The following NARS2 variants were observed in gnomAD, a reference collection of about 807,000 sequenced individuals.
NARS2 encodes the protein asparaginyl-tRNA synthetase 2, mitochondrial.
Under a neutral mutation model 62.9 loss-of-function variants are expected in NARS2, and 60 were observed. That is an observed-to-expected ratio of 0.95 (90% CI 0.77 to 1.18). NARS2 has a LOEUF of 1.18. Ranked by LOEUF, NARS2 falls within the 50% of genes most tolerant of loss-of-function variation. The pLI, the probability that NARS2 is intolerant of heterozygous loss-of-function variation, is 0.00. For synonymous variants in NARS2, 196 were observed against 200.0 expected, an observed-to-expected ratio of 0.98 and a Z score of 0.17; for missense variants, 619 against 576.4, an observed-to-expected ratio of 1.07 and a Z score of -0.76.
At chr11:78,449,055 T>C (rs1433426366) in intron 11 of NARS2, among the ~76,000 whole-genome samples, 6 of 152,164 alleles carry the variant, frequency 3.9e-5, no homozygotes, top group Non-Finnish European at 7.3e-5. Context: ...TGGCTTTTAT[T>C]TATCTGGAAT....
chr11:78,493,285 G>A (rs1221623575), intron 6 of NARS2, 90 bp from the exon 7 acceptor site: 4 of 1,255,564 alleles, frequency 3.2e-6, no homozygotes, highest in Non-Finnish European at 4.5e-6. Context: ...GGAAAATAAA[G>A]TTTTGTGTGC....
intron 12 of NARS2, among the ~76,000 whole-genome samples, chr11:78,441,907 TG>T (rs1857587978): frequency 6.6e-6 from 1 of 152,176 alleles, no homozygotes; most frequent in Non-Finnish European, 1.5e-5. Context: ...AAATTCTTAG[TG>T]GTAATTGAAA....
chr11:78,560,304 A>T (rs1486664954), intron 4 of NARS2, among the ~76,000 whole-genome samples: 1 of 152,178 alleles, frequency 6.6e-6, no homozygotes, highest in African/African-American at 2.4e-5. Context: ...AAATCCATCC[A>T]TTACCGAGGT....
chr11:78,520,391 ATC>A (rs1351831676), intron 6 of NARS2, among the ~76,000 whole-genome samples: 1 of 151,850 alleles, frequency 6.6e-6, no homozygotes, highest in Non-Finnish European at 1.5e-5. Context: ...CTATATCCAA[ATC>A]TCTCTCTCCT....
At chr11:78,563,829 CA>C (rs1167838676) in intron 4 of NARS2, among the ~76,000 whole-genome samples, 7 of 14,122 alleles carry the variant, frequency 5.0e-4, no homozygotes, top group African/African-American at 1.3e-3. Flanking sequence ...AACTCTGTAT[CA>C]AAAAAAAAAA....
At chr11:78,477,566 G>C (rs984057153) in intron 9 of NARS2, among the ~76,000 whole-genome samples, 2 of 152,204 alleles carry the variant, frequency 1.3e-5, no homozygotes, top group African/African-American at 4.8e-5. Context: ...GGTTAATTTT[G>C]TGTCAACTTG....
intron 6 of NARS2, among the ~76,000 whole-genome samples, chr11:78,506,191 G>A (rs10793319): frequency 0.72 from 110,204 of 152,072 alleles, 40,713 homozygotes; most frequent in Non-Finnish European, 0.81. Context: ...TTAAAAATAC[G>A]ACATCATCTT....
At chr11:78,516,162 T>A (rs939609356) in intron 6 of NARS2, among the ~76,000 whole-genome samples, 2 of 152,170 alleles carry the variant, frequency 1.3e-5, no homozygotes, top group Non-Finnish European at 2.9e-5. Context: ...CTAAATAGAA[T>A]TTATTCAAGT....
In NARS2 at chr11:78,499,075, C is replaced by G. The variant is rs527989684; in HGVS notation, c.690-5880G>C. ...GGGACTACAGGCGCCCGCCACCACG[C>G]CCGGCTAATTTTTTGTATTTTCAGT... On this transcript the variant is annotated intron_variant, in intron 6 of 13. Transcript: ENST00000281038. Among the ~76,000 whole-genome samples the G allele has an allele frequency of 5.9e-5, 9 of 151,912 alleles. No individual in the cohort carries two copies. The South Asian group carries it at 1.9e-3, about 32-fold the overall frequency.
At chr11:78,490,840 C>T (rs779435280) in intron 7 of NARS2, among the ~76,000 whole-genome samples, 5 of 152,028 alleles carry the variant, frequency 3.3e-5, no homozygotes, top group Admixed American at 6.5e-5. Flanking sequence ...TGAAATGCTC[C>T]GGTTTAGAGC....
chr11:78,563,367 A>G (rs1245488780), intron 4 of NARS2, among the ~76,000 whole-genome samples: 1 of 151,314 alleles, frequency 6.6e-6, no homozygotes, highest in Admixed American at 6.6e-5. Context: ...ACAGGCACGC[A>G]ACACCACGCC....
intron 13 of NARS2, among the ~76,000 whole-genome samples, chr11:78,439,328 C>T (rs762884379): frequency 2.0e-5 from 3 of 152,068 alleles, no homozygotes; most frequent in Admixed American, 6.6e-5. Flanking sequence ...CGTGAGCCAC[C>T]GCACCCACGG....
chr11:78,501,986 T>A (rs1267641978), intron 6 of NARS2, among the ~76,000 whole-genome samples: 1 of 152,204 alleles, frequency 6.6e-6, no homozygotes, highest in Non-Finnish European at 1.5e-5. Flanking sequence ...TACAATGGAA[T>A]AATTTTCAGC....
chr11:78,455,850 A>C (rs1472861689), intron 11 of NARS2, among the ~76,000 whole-genome samples: 3 of 151,796 alleles, frequency 2.0e-5, no homozygotes, highest in Non-Finnish European at 4.4e-5. Flanking sequence ...CTCATCTGTA[A>C]GAAAGGGATA....
Position 78,574,644 on chromosome 11 carries a change from G to A in NARS2, c.-156C>T. 1 of 755,508 alleles carries A rather than the reference G, an allele frequency of 1.3e-6. No homozygotes were observed. The highest frequency in any genetic ancestry group is 2.1e-6 in the Non-Finnish European group (1 of 480,134). The allele number at this position is 755,508 out of a possible 1,614,324, so 46.8% of individuals were successfully genotyped here. A position where few individuals can be genotyped will look rare whatever the true frequency, so the allele number is the denominator to read the frequency against. Reference sequence around the variant, plus strand: ...CTCGGCTGCGCGCTTTCTCCTTCAGGACTCCCAGCTCTGTCCCCACAGAAC... The same window carrying A: ...CTCGGCTGCGCGCTTTCTCCTTCAGAACTCCCAGCTCTGTCCCCACAGAAC... On this transcript the variant is annotated 5_prime_UTR_variant, in exon 1 of 14. Coordinates refer to ENST00000281038, the MANE Select transcript of NARS2 (RefSeq NM_024678.6).
At chr11:78,469,635 T>C (rs1340708276) in intron 9 of NARS2, among the ~76,000 whole-genome samples, 12 of 152,186 alleles carry the variant, frequency 7.9e-5, no homozygotes, top group Non-Finnish European at 1.2e-4. Flanking sequence ...AAATTCACCA[T>C]TAATTCATTT....
chr11:78,455,922 G>A (rs751500811), intron 11 of NARS2, among the ~76,000 whole-genome samples: 2 of 151,702 alleles, frequency 1.3e-5, no homozygotes, highest in Non-Finnish European at 2.9e-5. Context: ...ATGTTTTAAC[G>A]TTATGCTTGC....
Position 78,574,826 on chromosome 11 carries a change from T to C in NARS2, c.-338A>G, listed in dbSNP as rs1404639387. The C allele has an allele frequency of 7.1e-6, 2 of 280,484 alleles. No individual in the cohort carries two copies. Among genetic ancestry groups the C allele is most frequent in the Non-Finnish European group, 1.4e-5 (2 of 147,316 alleles). 17.4% of individuals were successfully genotyped at this position (280,484 alleles called of 1,614,324 possible). A position where few individuals can be genotyped will look rare whatever the true frequency, so the allele number is the denominator to read the frequency against. The stretch of plus-strand genomic sequence containing the variant: ...GGGCCGCAACACGCGCAACCACTCC[T>C]ACCACACCACGCCAACGCCGCTTAC... On this transcript the variant is annotated 5_prime_UTR_variant, in exon 1 of 14. Transcript: ENST00000281038.
chr11:78,507,718 A>G (rs1276039098), intron 6 of NARS2, among the ~76,000 whole-genome samples: 1 of 151,990 alleles, frequency 6.6e-6, no homozygotes, highest in Non-Finnish European at 1.5e-5. Context: ...ACAGGGTTTC[A>G]CCATGTTAAC....
Sources: allele counts gnomAD v4.1 joint callset (sites outside exome capture counted in the v4.1 genomes callset), GRCh38; gene constraint gnomAD v4.1.1; transcripts MANE v1.5; gene names NCBI Gene and HGNC (gene_info 2026-07-23, HGNC 2026-07-21).